Variants in ZNF532 observed in about 807,000 individuals in gnomAD.
The protein encoded by ZNF532 is zinc finger protein 532.
A neutral mutation model predicts 89.3 loss-of-function variants in ZNF532; 22 were observed. The ratio of observed to expected loss-of-function variants is 0.25; its 90% confidence interval spans 0.18 to 0.35. The LOEUF (loss-of-function observed/expected upper bound fraction) is 0.35. ZNF532 is among the 10% of genes least tolerant of loss of function. The pLI is 1.00. For missense variants in ZNF532, 1,132 were observed against 1,643.4 expected (o/e 0.69, Z 5.38); for synonymous variants, 606 against 649.6 (o/e 0.93, Z 1.02).
At chr18:58,963,676 G>A (rs1179282493) in intron 7 of ZNF532, among the ~76,000 whole-genome samples, 1 of 150,992 alleles carries the variant, frequency 6.6e-6, no homozygotes, top group Non-Finnish European at 1.5e-5. Context: ...GTGCCCACTT[G>A]GCCGGGTGCA....
chr18:58,877,091 C>T (rs897165132), intron 2 of ZNF532, among the ~76,000 whole-genome samples: 3 of 151,960 alleles, frequency 2.0e-5, no homozygotes, highest in African/African-American at 7.3e-5. Context: ...AGAAAAGTGA[C>T]TGTGTTTGGT....
chr18:58,915,080 A>G (rs1383730271), intron 2 of ZNF532, among the ~76,000 whole-genome samples: 4 of 152,208 alleles, frequency 2.6e-5, no homozygotes, highest in Middle Eastern at 3.2e-3. Flanking sequence ...GGAAAGGGTA[A>G]TAGGACAATG....
Position 58,948,066 on chromosome 18 carries a change from G to C in ZNF532, c.2706-1G>C. The C allele has an allele frequency of 6.2e-7, 1 of 1,608,912 alleles. No homozygotes were observed. Among genetic ancestry groups the C allele is most frequent in the Non-Finnish European group, 8.5e-7 (1 of 1,177,974 alleles). ...GATCTCGCTGCACTCTTCTATTTTA[G>C]AATAATATATAAGTGTTCCATGTGC... On this transcript the variant is annotated splice_acceptor_variant, in intron 5 of 9. Coordinates refer to ENST00000591808, the MANE Select transcript of ZNF532 (RefSeq NM_001375912.1). LOFTEE classifies it high-confidence loss of function.
chr18:58,942,661 T>C (rs534525545), intron 5 of ZNF532, among the ~76,000 whole-genome samples: 7 of 152,036 alleles, frequency 4.6e-5, no homozygotes, highest in Non-Finnish European at 1.5e-5. Flanking sequence ...CCTCACCCCC[T>C]TTTCCAATTA....
At chr18:58,890,473 C>T (rs2145343363) in intron 2 of ZNF532, among the ~76,000 whole-genome samples, 1 of 151,808 alleles carries the variant, frequency 6.6e-6, no homozygotes, top group Admixed American at 6.6e-5. Flanking sequence ...TTAATGACTT[C>T]TGGGTTTCTT....
intron 2 of ZNF532, among the ~76,000 whole-genome samples, chr18:58,883,663 C>G (rs905118403): frequency 1.3e-5 from 2 of 152,148 alleles, no homozygotes; most frequent in African/African-American, 4.8e-5. Context: ...TTAACCTCAG[C>G]ACCGTTAGCA....
chr18:58,933,002 C>G (rs2062084972), intron 3 of ZNF532, among the ~76,000 whole-genome samples: 1 of 152,082 alleles, frequency 6.6e-6, no homozygotes, highest in South Asian at 2.1e-4. Context: ...GAAGTTCAGA[C>G]ATCATAATTC....
intron 2 of ZNF532, among the ~76,000 whole-genome samples, chr18:58,873,091 T>C (rs1341382575): frequency 1.3e-5 from 2 of 151,304 alleles, no homozygotes; most frequent in African/African-American, 2.4e-5. Flanking sequence ...CACTGCAGCC[T>C]TAACCCCCAG....
At position 58,984,319 on chromosome 18, in the gene ZNF532, G is replaced by A. The variant is rs760700529; in HGVS notation, c.3759G>A (p.Glu1253=). Reference sequence around the variant, plus strand: ...AACAGGAGAACAAACCCAGCCACGAGGATGAATCCCCTGATGGCGCCGTGT... The same window carrying A: ...AACAGGAGAACAAACCCAGCCACGAAGATGAATCCCCTGATGGCGCCGTGT... ...DNQQENKPSH[E]DESPDGAVSD... The change falls in exon 10 of 10, where the codon GAG becomes GAA. Residue 1253 remains glutamate (E), a synonymous_variant. Coordinates refer to ENST00000591808, the MANE Select transcript of ZNF532 (RefSeq NM_001375912.1). 6.2e-7 allele frequency: 1 copy of A among 1,611,976 alleles called. No individual in the cohort carries two copies. The highest frequency in any genetic ancestry group is 8.5e-7 in the Non-Finnish European group (1 of 1,179,860).
intron 3 of ZNF532, among the ~76,000 whole-genome samples, chr18:58,928,454 C>G (rs573979266): frequency 6.6e-6 from 1 of 152,196 alleles, no homozygotes; most frequent in Non-Finnish European, 1.5e-5. Flanking sequence ...CTGGTAAGAG[C>G]TGTGTTGGAA....
intron 3 of ZNF532, among the ~76,000 whole-genome samples, chr18:58,921,688 A>G (rs953388044): frequency 6.6e-6 from 1 of 152,258 alleles, no homozygotes; most frequent in Non-Finnish European, 1.5e-5. Context: ...TTCATGAGGC[A>G]ACTTTTAGCT....
At position 58,985,141 on chromosome 18, in the gene ZNF532, G is replaced by A. The variant is rs2068268840; in HGVS notation, c.*675G>A. ...AAACTGAAGCTAGGAATCTAATAAGGAATGCTGATTTCCTCAGTTCCATTT... is the reference window on the plus strand; with the variant it reads ...AAACTGAAGCTAGGAATCTAATAAGAAATGCTGATTTCCTCAGTTCCATTT... On this transcript the variant is annotated 3_prime_UTR_variant, in exon 10 of 10. Transcript: ENST00000591808. 1 of 152,144 alleles carries A rather than the reference G, an allele frequency of 6.6e-6. No individual in the cohort carries two copies. Among genetic ancestry groups the A allele is most frequent in the Non-Finnish European group, 1.5e-5 (1 of 68,024 alleles). The allele number at this position is 152,144 out of a possible 1,614,324, so 9.4% of individuals were successfully genotyped here.
At chr18:58,904,678 AGTT>A (rs897463644) in intron 2 of ZNF532, among the ~76,000 whole-genome samples, 1 of 152,116 alleles carries the variant, frequency 6.6e-6, no homozygotes, top group Non-Finnish European at 1.5e-5. Flanking sequence ...TCAGTGATCC[AGTT>A]GTTGTGTTGC....
At chr18:58,872,262 C>T (rs1426637703) in intron 2 of ZNF532, among the ~76,000 whole-genome samples, 5 of 152,168 alleles carry the variant, frequency 3.3e-5, no homozygotes, top group Non-Finnish European at 7.3e-5. Flanking sequence ...AGCTTTTAGA[C>T]ATCTTGAGTG....
At chr18:58,945,045 AT>A (rs1344588633) in intron 5 of ZNF532, among the ~76,000 whole-genome samples, 8 of 152,120 alleles carry the variant, frequency 5.3e-5, no homozygotes, top group African/African-American at 2.4e-5. Flanking sequence ...CTTCATCCAG[AT>A]TCCTCCCAGT....
chr18:58,863,447 C>G (rs1294272550), upstream of ZNF532: 6 of 138,274 alleles, frequency 4.3e-5, no homozygotes, highest in East Asian at 2.0e-4. Context: ...CCTTCCCCCA[C>G]CGGCCGCCCC....
chr18:58,954,778 T>C (rs967930844), intron 7 of ZNF532, among the ~76,000 whole-genome samples: 2 of 151,030 alleles, frequency 1.3e-5, no homozygotes, highest in African/African-American at 4.9e-5. Context: ...AGTGGCATGA[T>C]CTCGGCTTGC....
At chr18:58,872,726 G>C (rs1456443182) in intron 2 of ZNF532, among the ~76,000 whole-genome samples, 1 of 143,212 alleles carries the variant, frequency 7.0e-6, no homozygotes, top group East Asian at 2.0e-4. Flanking sequence ...TTGAGACCGA[G>C]TTTTGCTGTG....
intron 2 of ZNF532, among the ~76,000 whole-genome samples, chr18:58,891,171 G>A (rs2058872141): frequency 1.3e-5 from 2 of 152,152 alleles, no homozygotes; most frequent in African/African-American, 4.8e-5. Flanking sequence ...TGCCTGCCTC[G>A]GCCTCCCAAA....
Sources: gnomAD v4.1 joint callset for allele counts (sites outside exome capture counted in the v4.1 genomes callset) on GRCh38, gnomAD v4.1.1 for gene constraint, MANE v1.5 for transcripts, NCBI Gene and HGNC (gene_info 2026-07-23, HGNC 2026-07-21) for gene names.